MAP4K4: variants seen among roughly 807,000 people sequenced by gnomAD.
MAP4K4 encodes the protein HPK/GCK-like kinase HGK.
Under a neutral mutation model 189.6 loss-of-function variants are expected in MAP4K4, and 38 were observed. The ratio of observed to expected loss-of-function variants is 0.20; its 90% CI spans 0.15 to 0.26. MAP4K4 has a LOEUF of 0.26. Among genes scored for constraint, MAP4K4 ranks in the 10% least tolerant of loss-of-function variants. The pLI is 1.00. For missense variants in MAP4K4, 1,054 were observed against 1,726.9 expected (o/e 0.61, Z 6.91); for synonymous variants, 610 against 624.3 (o/e 0.98, Z 0.34).
chr2:101,872,114 C>G (rs1201576116), intron 24 of MAP4K4, among the ~76,000 whole-genome samples: 2 of 151,010 alleles, frequency 1.3e-5, no homozygotes, highest in Non-Finnish European at 2.9e-5. Flanking sequence ...CTTATCTGGA[C>G]AAACTTATTA....
At chr2:101,869,917 G>A (rs536502007) in intron 22 of MAP4K4, 120 bp downstream of exon 22, 213 of 1,334,530 alleles carry the variant, frequency 1.6e-4, no homozygotes, top group South Asian at 2.0e-4. Context: ...TGTAGTTCTC[G>A]TGGATTCAGC....
exon 20 of MAP4K4, chr2:101,867,269 C>G (rs1159493538): frequency 6.2e-7 from 1 of 1,607,914 alleles, no homozygotes; most frequent in Admixed American, 1.7e-5. Flanking sequence ...GTGAAAAAAC[C>G]TGAAGATAAA....
At chr2:101,789,310 T>C (rs902891774) in intron 2 of MAP4K4, among the ~76,000 whole-genome samples, 1 of 152,188 alleles carries the variant, frequency 6.6e-6, no homozygotes, top group Non-Finnish European at 1.5e-5. Context: ...TTAGGTTGTG[T>C]TGGCAGTCAC....
intron 2 of MAP4K4, among the ~76,000 whole-genome samples, chr2:101,757,107 G>A (rs1398091327): frequency 1.3e-5 from 2 of 152,168 alleles, no homozygotes; most frequent in East Asian, 3.8e-4. Flanking sequence ...TTTGGAGTAA[G>A]GGATAAGAAG....
In MAP4K4 at chr2:101,874,015, C is replaced by T. The variant is rs1577195432; in HGVS notation, c.3071-67C>T. 5 of 1,345,550 alleles carry T rather than the reference C, an allele frequency of 3.7e-6. No individual in the cohort carries two copies. In the East Asian group the frequency reaches 9.3e-5, roughly 25 times the overall value. The allele number at this position is 1,345,550 out of a possible 1,614,324, so 83.4% of individuals were successfully genotyped here. ...CACATGAATATTTACTTGAAGTATACTGGGGAAGGGAGGCAGGCATAGTGT... is the reference window on the plus strand; with the variant it reads ...CACATGAATATTTACTTGAAGTATATTGGGGAAGGGAGGCAGGCATAGTGT... On this transcript the variant is annotated intron_variant, in intron 25 of 32. Coordinates refer to ENST00000324219, the Ensembl canonical transcript of MAP4K4.
chr2:101,728,179 G>A (rs1347862877), intron 2 of MAP4K4, among the ~76,000 whole-genome samples: 5 of 152,152 alleles, frequency 3.3e-5, no homozygotes, highest in African/African-American at 4.8e-5. Context: ...AGTACAGATT[G>A]TCATAGCATA....
At chr2:101,893,434 A>G (rs1192132952) in exon 33 of MAP4K4, 1 of 350,752 alleles carries the variant, frequency 2.9e-6, no homozygotes, top group African/African-American at 2.1e-5. Context: ...GCTGGATTCC[A>G]TCGCCACAGG....
chr2:101,819,206 G>A (rs1026865801), intron 3 of MAP4K4, among the ~76,000 whole-genome samples: 2 of 152,134 alleles, frequency 1.3e-5, no homozygotes, highest in Non-Finnish European at 1.5e-5. Context: ...GTTTTTGGTG[G>A]TGCTAGTGGT....
chr2:101,849,677 TG>T (rs1225245629), intron 12 of MAP4K4, among the ~76,000 whole-genome samples: 1 of 151,756 alleles, frequency 6.6e-6, no homozygotes, highest in South Asian at 2.1e-4. Flanking sequence ...TCTGTTCCTC[TG>T]TACTTTCATG....
At chr2:101,720,802 C>G (rs914228666) in intron 2 of MAP4K4, among the ~76,000 whole-genome samples, 1 of 152,154 alleles carries the variant, frequency 6.6e-6, no homozygotes, top group Non-Finnish European at 1.5e-5. Context: ...ATTACTAGAT[C>G]TAGCTCTTGT....
chr2:101,857,232 G>A (rs989344650), intron 13 of MAP4K4, among the ~76,000 whole-genome samples: 1 of 151,896 alleles, frequency 6.6e-6, no homozygotes, highest in African/African-American at 2.4e-5. Context: ...CAAGTATTTG[G>A]CACCACTTTT....
rs7588596 is a variant in MAP4K4, at chr2:101,883,575, A to T, written c.3520+890A>T. 9.0e-3 allele frequency among the ~76,000 whole-genome samples: 1,371 copies of T among 152,272 alleles called. 25 individuals are homozygous for T. The highest frequency in any genetic ancestry group is 0.031 in the African/African-American group (1,293 of 41,540). On this transcript the variant is annotated intron_variant, in intron 28 of 32. Coordinates refer to ENST00000324219, the Ensembl canonical transcript of MAP4K4. ...GTTAGACATACGGGAGAAATAATGG[A>T]CCTTAGCCAAATTAAAGTTTTATAG...
chr2:101,775,486 A>G (rs988893057), intron 2 of MAP4K4, among the ~76,000 whole-genome samples: 2 of 151,884 alleles, frequency 1.3e-5, no homozygotes, highest in Non-Finnish European at 2.9e-5. Flanking sequence ...TTGTTTGTAA[A>G]GGTCTGTGTT....
In MAP4K4 at chr2:101,867,146, A is replaced by C. The variant is rs535534433; in HGVS notation, c.2357-66A>C. On this transcript the variant is annotated intron_variant, in intron 19 of 32. Coordinates refer to ENST00000324219, the Ensembl canonical transcript of MAP4K4. Reference sequence around the variant, plus strand: ...CAGGAGTGGGCGGGGTGGGCAGGGCAGCTTCATAATACACATCCATATGTT... The same window carrying C: ...CAGGAGTGGGCGGGGTGGGCAGGGCCGCTTCATAATACACATCCATATGTT... 2.4e-4 allele frequency: 250 copies of C among 1,032,990 alleles called. 2 individuals are homozygous for C. The South Asian group carries it at 2.7e-3, about 11-fold the overall frequency. The allele number at this position is 1,032,990 out of a possible 1,614,324, so 64.0% of individuals were successfully genotyped here. A position where few individuals can be genotyped will look rare whatever the true frequency, so the allele number is the denominator to read the frequency against.
exon 24 of MAP4K4, chr2:101,871,529 G>A (rs1031268128): frequency 1.3e-6 from 2 of 1,535,998 alleles, no homozygotes; most frequent in East Asian, 4.9e-5. Flanking sequence ...GCCATCATGA[G>A]AGCAATGGCT....
At chr2:101,750,744 G>T (rs1454598781) in intron 2 of MAP4K4, among the ~76,000 whole-genome samples, 2 of 151,682 alleles carry the variant, frequency 1.3e-5, no homozygotes, top group Non-Finnish European at 2.9e-5. Flanking sequence ...AGAATTGCCT[G>T]AGCCTGGGAG....
intron 2 of MAP4K4, among the ~76,000 whole-genome samples, chr2:101,741,334 AT>A (rs1275680063): frequency 1.3e-5 from 2 of 151,304 alleles, no homozygotes; most frequent in Non-Finnish European, 2.9e-5. Flanking sequence ...TGCCTGGCTA[AT>A]TTTTTTGTAT....
intron 2 of MAP4K4, among the ~76,000 whole-genome samples, chr2:101,707,964 G>A (rs934178865): frequency 2.0e-5 from 3 of 151,138 alleles, no homozygotes; most frequent in African/African-American, 7.3e-5. Context: ...GCCTCTCTAA[G>A]TGCTGGGATT....
intron 5 of MAP4K4, 66 bp from the exon 6 acceptor site, chr2:101,829,438 G>A (rs2096520335): frequency 4.8e-6 from 5 of 1,033,150 alleles, no homozygotes; most frequent in African/African-American, 3.2e-5. Flanking sequence ...CTTATAAAAG[G>A]TGTGTTCCTG....
Sources: allele counts gnomAD v4.1 joint callset (sites outside exome capture counted in the v4.1 genomes callset), GRCh38; gene constraint gnomAD v4.1.1; transcripts MANE v1.5; gene names NCBI Gene and HGNC (gene_info 2026-07-23, HGNC 2026-07-21).